The following SCFD2 variants were observed in gnomAD, a reference collection of about 807,000 sequenced individuals.
SCFD2 encodes sec1 family domain-containing protein 2.
A neutral mutation model predicts 58.9 loss-of-function variants in SCFD2; 54 were observed. The observed-to-expected ratio is 0.92, with a 90% confidence interval of 0.74 to 1.15. The LOEUF (loss-of-function observed/expected upper bound fraction) is 1.15. Among genes scored for constraint, SCFD2 ranks in the 50% most tolerant of loss-of-function variants. SCFD2 has a pLI of 0.00. For synonymous variants in SCFD2, 321 were observed against 335.9 expected (o/e 0.96, Z 0.49); for missense variants, 805 against 836.6 (o/e 0.96, Z 0.47).
intron 5 of SCFD2, among the ~76,000 whole-genome samples, chr4:53,096,685 G>C (rs1327328123): frequency 6.6e-6 from 1 of 152,166 alleles, no homozygotes; most frequent in Non-Finnish European, 1.5e-5. Context: ...TTTGATGATA[G>C]CTTCTTTTGC....
chr4:53,125,316 A>C (rs1425871447), intron 5 of SCFD2, among the ~76,000 whole-genome samples: 1 of 152,246 alleles, frequency 6.6e-6, no homozygotes, highest in Non-Finnish European at 1.5e-5. Context: ...TGAGGAGAGA[A>C]TACAGAAGGG....
intron 3 of SCFD2, among the ~76,000 whole-genome samples, chr4:53,305,929 A>C (rs1182646392): frequency 6.6e-6 from 1 of 152,218 alleles, no homozygotes; most frequent in African/African-American, 2.4e-5. Flanking sequence ...ACAAATACCA[A>C]CTGACACTGT....
intron 3 of SCFD2, among the ~76,000 whole-genome samples, chr4:53,290,758 A>C (rs1327938750): frequency 6.6e-6 from 1 of 152,126 alleles, no homozygotes; most frequent in African/African-American, 2.4e-5. Context: ...ATCAGAAATG[A>C]AAGTAGAGAC....
At chr4:53,139,315 G>A (rs570681990) in intron 5 of SCFD2, among the ~76,000 whole-genome samples, 4 of 151,796 alleles carry the variant, frequency 2.6e-5, no homozygotes, top group South Asian at 4.2e-4. Context: ...AGTGAGGAGC[G>A]TCTCTGCCCG....
chr4:53,104,936 G>A (rs990467481), intron 5 of SCFD2, among the ~76,000 whole-genome samples: 4 of 151,124 alleles, frequency 2.6e-5, no homozygotes, highest in Non-Finnish European at 5.9e-5. Flanking sequence ...GCAGGTCCCA[G>A]TGAGATCAAC....
intron 4 of SCFD2, among the ~76,000 whole-genome samples, chr4:53,198,342 G>A (rs1427824473): frequency 2.6e-5 from 4 of 151,588 alleles, no homozygotes; most frequent in Admixed American, 6.6e-5. Context: ...GGCTTTAAGG[G>A]GACGGGCTGT....
rs577507089 is a variant in SCFD2 at position 53,057,045 on chromosome 4, C to T, written c.1561+88288G>A. ...TAAAAAAATACAAAAATTAGCCAGG[C>T]GTGGTAGTGCAGGTCTGTAATCCCA... On this transcript the variant is annotated intron_variant, in intron 5 of 8. Transcript: ENST00000401642. Among the ~76,000 whole-genome samples the T allele has an allele frequency of 1.9e-4, 29 of 152,130 alleles. No homozygotes were observed. In the South Asian group the frequency reaches 5.4e-3, roughly 28 times the overall value.
chr4:53,340,074 T>A (rs1332859736), intron 2 of SCFD2, among the ~76,000 whole-genome samples: 1 of 152,086 alleles, frequency 6.6e-6, no homozygotes, highest in Admixed American at 6.5e-5. Context: ...CATTTCCAAC[T>A]GAGGTACCGG....
intron 4 of SCFD2, among the ~76,000 whole-genome samples, chr4:53,219,298 C>A (rs535674081): frequency 5.3e-5 from 8 of 152,218 alleles, no homozygotes; most frequent in Non-Finnish European, 1.0e-4. Context: ...GTTTCAGTTT[C>A]GAGGCCACTT....
intron 5 of SCFD2, among the ~76,000 whole-genome samples, chr4:53,065,818 A>G (rs1034130125): frequency 5.3e-4 from 80 of 152,188 alleles, no homozygotes; most frequent in African/African-American, 1.8e-3. Flanking sequence ...ATTTTTCAAC[A>G]GTTTTAACAC....
At chr4:53,103,271 C>T (rs1445878618) in intron 5 of SCFD2, among the ~76,000 whole-genome samples, 2 of 151,968 alleles carry the variant, frequency 1.3e-5, no homozygotes, top group Non-Finnish European at 2.9e-5. Flanking sequence ...GGCTACATTA[C>T]TTAGTATTGT....
intron 4 of SCFD2, among the ~76,000 whole-genome samples, chr4:53,242,975 T>C (rs146694234): frequency 1.3e-5 from 2 of 152,206 alleles, no homozygotes; most frequent in African/African-American, 4.8e-5. Flanking sequence ...CTGAGAAATA[T>C]GGAACTATGT....
chr4:53,256,886 G>A (rs1730657206), intron 4 of SCFD2, among the ~76,000 whole-genome samples: 1 of 135,758 alleles, frequency 7.4e-6, no homozygotes, highest in Admixed American at 7.4e-5. Flanking sequence ...CGTGGGGAGA[G>A]GGAGAGGGAG....
chr4:53,140,392 A>AATATATATATATATATAT (rs1553880149), intron 5 of SCFD2, among the ~76,000 whole-genome samples: 11 of 97,494 alleles, frequency 1.1e-4, no homozygotes, highest in African/African-American at 2.9e-4. Flanking sequence ...CAAAAATGCT[A>AATATATATATATATATAT]ATATATATAT....
intron 5 of SCFD2, among the ~76,000 whole-genome samples, chr4:53,082,978 TTTCTCTC>T (rs1374061298): frequency 0.02 from 28 of 1,430 alleles, no homozygotes; most frequent in South Asian, 0.5. Flanking sequence ...TCTGTCTCTC[TTTCTCTC>T]TTTCTCTCTT....
At chr4:53,048,620 G>C (rs1055288865) in intron 5 of SCFD2, among the ~76,000 whole-genome samples, 1 of 152,104 alleles carries the variant, frequency 6.6e-6, no homozygotes, top group Non-Finnish European at 1.5e-5. Flanking sequence ...GCATATCTGT[G>C]GTCCCAGCTA....
intron 4 of SCFD2, among the ~76,000 whole-genome samples, chr4:53,171,914 A>G (rs1361080352): frequency 1.3e-5 from 2 of 151,074 alleles, no homozygotes; most frequent in African/African-American, 4.8e-5. Context: ...TGTCAATTTC[A>G]GCTATCTTTT....
intron 4 of SCFD2, among the ~76,000 whole-genome samples, chr4:53,174,700 T>C (rs1727276595): frequency 6.6e-6 from 1 of 152,140 alleles, no homozygotes; most frequent in African/African-American, 2.4e-5. Context: ...AAATCTGTAA[T>C]TGGCTTATTT....
At chr4:53,181,709 T>C (rs924602574) in intron 4 of SCFD2, among the ~76,000 whole-genome samples, 20 of 152,108 alleles carry the variant, frequency 1.3e-4, no homozygotes, top group African/African-American at 4.3e-4. Context: ...AAAGAGGAAG[T>C]CAAATTGTCC....
Sources: gnomAD v4.1 joint callset for allele counts (sites outside exome capture counted in the v4.1 genomes callset) on GRCh38, gnomAD v4.1.1 for gene constraint, MANE v1.5 for transcripts, NCBI Gene and HGNC (gene_info 2026-07-23, HGNC 2026-07-21) for gene names.